Variants in SMPX observed in about 807,000 individuals in gnomAD.
SMPX encodes small muscular protein.
SMPX carries 2 observed loss-of-function variants against 6.3 expected under a neutral mutation model. That is an observed-to-expected ratio of 0.32 (90% CI 0.13 to 0.99). The LOEUF (loss-of-function observed/expected upper bound fraction) is 0.99. Ranked by LOEUF, SMPX falls within the 50% of genes least tolerant of loss-of-function variation. The pLI, the probability that SMPX is intolerant of heterozygous loss-of-function variation, is 0.49. For synonymous variants in SMPX, 32 were observed against 24.7 expected (o/e 1.30, Z -0.88); for missense variants, 60 against 66.8 (o/e 0.90, Z 0.36).
At position 21,749,538 on chromosome X, in the gene SMPX, G is replaced by A. The variant is rs528807443; in HGVS notation, c.45+4708C>T. ...AGCCTTACTCTCTGTGCCAATGGTGGGAACAGTAAGTAAAGACAGCATTGC... is the reference window on the plus strand; with the variant it reads ...AGCCTTACTCTCTGTGCCAATGGTGAGAACAGTAAGTAAAGACAGCATTGC... On this transcript the variant is annotated intron_variant, in intron 2 of 4. Coordinates refer to ENST00000379494, the MANE Select transcript of SMPX (RefSeq NM_014332.3). Among the ~76,000 whole-genome samples the A allele has an allele frequency of 6.3e-5, 7 of 111,782 alleles. No individual in the cohort carries two copies. The South Asian group carries it at 2.6e-3, about 42-fold the overall frequency.
At chrX:21,745,997 C>T (rs185549961) in intron 2 of SMPX, among the ~76,000 whole-genome samples, 2 of 111,474 alleles carry the variant, frequency 1.8e-5, no homozygotes, top group East Asian at 5.6e-4. Flanking sequence ...CCATGTTTCA[C>T]GGGTGGCTTA....
chrX:21,718,865 G>A (rs957180369), intron 4 of SMPX, among the ~76,000 whole-genome samples: 4 of 112,003 alleles, frequency 3.6e-5, no homozygotes, highest in Admixed American at 1.9e-4. Flanking sequence ...AAGCCTTGTC[G>A]TTTTTGAACG....
intron 4 of SMPX, among the ~76,000 whole-genome samples, chrX:21,717,858 A>G (rs1043262112): frequency 8.9e-6 from 1 of 112,285 alleles, no homozygotes; most frequent in African/African-American, 3.2e-5. Flanking sequence ...TGAATACGGG[A>G]GGGAACAAAG....
At chrX:21,729,866 C>T (rs2092801396) in intron 4 of SMPX, among the ~76,000 whole-genome samples, 1 of 111,863 alleles carries the variant, frequency 8.9e-6, no homozygotes, top group South Asian at 3.7e-4. Context: ...CTGCCACAAT[C>T]AACTCAAAGT....
At chrX:21,755,123 G>A (rs2092831493) in intron 1 of SMPX, among the ~76,000 whole-genome samples, 1 of 112,726 alleles carries the variant, frequency 8.9e-6, no homozygotes, top group South Asian at 3.6e-4. Context: ...GGGGATGCGG[G>A]ATGCAATTTA....
intron 4 of SMPX, among the ~76,000 whole-genome samples, chrX:21,707,247 A>G (rs1248020912): frequency 1.8e-5 from 2 of 110,663 alleles, no homozygotes; most frequent in Admixed American, 9.7e-5. Flanking sequence ...CAGGTTCATC[A>G]TTAGTATAAT....
intron 4 of SMPX, among the ~76,000 whole-genome samples, chrX:21,706,658 C>T (rs949271607): frequency 1.8e-5 from 2 of 110,849 alleles, no homozygotes; most frequent in African/African-American, 6.6e-5. Flanking sequence ...ACAATAGATC[C>T]GATATGGTTT....
chrX:21,736,310 T>C (rs934929986), intron 4 of SMPX, among the ~76,000 whole-genome samples: 3 of 111,563 alleles, frequency 2.7e-5, no homozygotes, highest in Non-Finnish European at 5.7e-5. Flanking sequence ...GCCTCTGCCA[T>C]CCAGTCAGAA....
chrX:21,713,541 A>G (rs2092780996), intron 4 of SMPX, among the ~76,000 whole-genome samples: 1 of 111,921 alleles, frequency 8.9e-6, no homozygotes, highest in South Asian at 3.7e-4. Context: ...CATGTCTTAC[A>G]TGGCATCAAG....
intron 4 of SMPX, among the ~76,000 whole-genome samples, chrX:21,714,210 A>T (rs2147372315): frequency 8.9e-6 from 1 of 112,033 alleles, no homozygotes; most frequent in African/African-American, 3.2e-5. Context: ...GCAAAGATAA[A>T]CCACCTTCTT....
At position 21,743,809 on chromosome X, in the gene SMPX, A is replaced by G. The variant is rs369871483; in HGVS notation, c.73T>C (p.Phe25Leu). The change falls in exon 3 of 5, where the codon TTT becomes CTT. Residue 25 changes from phenylalanine (F) to leucine (L), a missense_variant. By Grantham distance (22) the Phe-to-Leu change is conservative. Transcript: ENST00000379494. ...QANINIPMGAFRPGAGQPPRR... is the reference protein window; with the variant it reads ...QANINIPMGALRPGAGQPPRR... ...GGGGGTTGACCTGCTCCTGGCCGAA[A>G]GGCTCCCATTGGAATATTGATATTT... 1 of 1,206,717 alleles carries G rather than the reference A, an allele frequency of 8.3e-7. No homozygotes were observed. The highest frequency in any genetic ancestry group is 3.0e-5 in the East Asian group (1 of 33,731).
intron 1 of SMPX, among the ~76,000 whole-genome samples, chrX:21,755,457 A>G (rs919882811): frequency 3.6e-5 from 4 of 112,585 alleles, no homozygotes; most frequent in African/African-American, 9.7e-5. Flanking sequence ...AAGAATCCAT[A>G]TTACATACAT....
intron 2 of SMPX, among the ~76,000 whole-genome samples, chrX:21,744,870 G>C (rs936807453): frequency 1.8e-5 from 2 of 111,787 alleles, no homozygotes; most frequent in Non-Finnish European, 3.8e-5. Context: ...GTATGATTTT[G>C]GCACCACACC....
chrX:21,707,429 A>G (rs2092774213), intron 4 of SMPX, among the ~76,000 whole-genome samples: 1 of 111,912 alleles, frequency 8.9e-6, no homozygotes, highest in Non-Finnish European at 1.9e-5. Context: ...GTAATTCTAA[A>G]CTAAATTAAG....
At chrX:21,708,265 A>G (rs1318081573) in intron 4 of SMPX, among the ~76,000 whole-genome samples, 1 of 112,426 alleles carries the variant, frequency 8.9e-6, no homozygotes, top group African/African-American at 3.2e-5. Flanking sequence ...TTTCTCTACT[A>G]CAAAGGCTGG....
In SMPX at chrX:21,706,353, T is replaced by C. The variant is rs772745483; in HGVS notation, c.*56A>G. 8.9e-6 allele frequency: 4 copies of C among 447,748 alleles called. No homozygotes were observed. The highest frequency in any genetic ancestry group is 8.8e-5 in the Admixed American group (3 of 34,217). The allele number at this position is 447,748 out of a possible 1,213,427, so 36.9% of individuals were successfully genotyped here. A position where few individuals can be genotyped will look rare whatever the true frequency, so the allele number is the denominator to read the frequency against. On this transcript the variant is annotated 3_prime_UTR_variant, in exon 5 of 5. Transcript: ENST00000379494. ...ACAAATATATAAAATTTTAGTGAGCTATTGAATCCATCTTCTGCCTCTTTA... is the reference window on the plus strand; with the variant it reads ...ACAAATATATAAAATTTTAGTGAGCCATTGAATCCATCTTCTGCCTCTTTA...
chrX:21,757,268 G>A (rs888627575), intron 1 of SMPX, among the ~76,000 whole-genome samples: 4 of 111,547 alleles, frequency 3.6e-5, no homozygotes, highest in Non-Finnish European at 5.6e-5. Context: ...TGTCTGAACT[G>A]ACTAACTCCT....
intron 4 of SMPX, among the ~76,000 whole-genome samples, chrX:21,725,328 C>A (rs1028030805): frequency 6.3e-5 from 7 of 111,795 alleles, no homozygotes; most frequent in African/African-American, 2.3e-4. Context: ...AGCCTATGCA[C>A]AAAAGATTAC....
chrX:21,742,229 G>T (rs770653349), intron 3 of SMPX, among the ~76,000 whole-genome samples: 1 of 112,108 alleles, frequency 8.9e-6, no homozygotes, highest in East Asian at 2.8e-4. Flanking sequence ...ACAGATAAAT[G>T]AAGGTATAGA....
Sources: gnomAD v4.1 joint callset for allele counts (sites outside exome capture counted in the v4.1 genomes callset) on GRCh38, gnomAD v4.1.1 for gene constraint, MANE v1.5 for transcripts, NCBI Gene and HGNC (gene_info 2026-07-23, HGNC 2026-07-21) for gene names.